The following NR2E3 variants were observed in gnomAD, a reference collection of about 807,000 sequenced individuals.
NR2E3 encodes nuclear receptor subfamily 2 group E member 3.
NR2E3 carries 38 observed loss-of-function variants against 37.6 expected under a neutral mutation model. That is an observed-to-expected ratio of 1.01 (90% CI 0.78 to 1.33). NR2E3 has a LOEUF of 1.33. Ranked by LOEUF, NR2E3 falls within the 40% of genes most tolerant of loss-of-function variation. NR2E3 has a pLI of 0.00. For missense variants in NR2E3, 562 were observed against 558.7 expected (o/e 1.01, Z -0.06); for synonymous variants, 235 against 225.1 (o/e 1.04, Z -0.39).
Position 71,812,079 on chromosome 15 carries a change from G to T in NR2E3, c.474G>T (p.Arg158=), listed in dbSNP as rs2140289562. 1 of 1,553,576 alleles carries T rather than the reference G, an allele frequency of 6.4e-7. No individual in the cohort carries two copies. Among genetic ancestry groups the T allele is most frequent in the African/African-American group, 1.4e-5 (1 of 73,270 alleles). ...APPAPAGRSP[R]GPTPMSAARA... The stretch of plus-strand genomic sequence containing the variant: ...CGGCCCCGGCAGGGCGCAGCCCACG[G>T]GGCCCCACACCCATGTCTGCAGCCA... Residue 158 remains arginine, a synonymous_variant, in exon 4 of 8, where the codon CGG becomes CGT. Coordinates refer to ENST00000617575, the MANE Select transcript of NR2E3 (RefSeq NM_014249.4).
chr15:71,813,714 C>A lies in NR2E3; in HGVS notation c.994+79C>A. The A allele has an allele frequency of 6.3e-7, 1 of 1,593,924 alleles. No homozygotes were observed. The highest frequency in any genetic ancestry group is 8.5e-7 in the Non-Finnish European group (1 of 1,171,774). ...CCTCTCACTCTCCCTCCACTACCCC[C>A]ATGTGTGCAGATGTGTGTAGGCCTC... On this transcript the variant is annotated intron_variant, in intron 6 of 7. Transcript: ENST00000617575. The surrounding 1 kb of genome is among the most constrained non-coding windows in gnomAD (Gnocchi z 4.7).
In NR2E3 at chr15:71,817,861, A is replaced by C; in HGVS notation, c.*177A>C. On this transcript the variant is annotated 3_prime_UTR_variant, in exon 8 of 8. Transcript: ENST00000617575. ...TTTATTCATAATAGCCCCAAACTGT[A>C]TATTGATGGTAGGATGAATTAACAA... is the stretch of plus-strand genomic sequence containing the variant. The C allele has an allele frequency of 2.1e-6, 1 of 465,400 alleles. No homozygotes were observed. Among genetic ancestry groups the C allele is most frequent in the Non-Finnish European group, 3.8e-6 (1 of 262,118 alleles). The allele number at this position is 465,400 out of a possible 1,614,324, so 28.8% of individuals were successfully genotyped here. A position where few individuals can be genotyped will look rare whatever the true frequency, so the allele number is the denominator to read the frequency against.
chr15:71,817,609 C>T lies in NR2E3; in HGVS notation c.1158C>T (p.Ile386=). The change falls in exon 8 of 8, where the codon ATC becomes ATT. Residue 386 remains isoleucine, a synonymous_variant. Transcript: ENST00000617575. ...PSLRFITAER[I]ELLFFRKTIG... ...TGAGGTTTATCACTGCGGAACGCAT[C>T]GAGCTCCTCTTTTTCCGCAAGACCA... 6.2e-7 allele frequency: 1 copy of T among 1,610,122 alleles called. No homozygotes were observed. The highest frequency in any genetic ancestry group is 8.5e-7 in the Non-Finnish European group (1 of 1,176,692).
intron 7 of NR2E3, chr15:71,814,913 G>A (rs2054215889): frequency 7.1e-6 from 7 of 984,980 alleles, no homozygotes; most frequent in Non-Finnish European, 7.2e-6. Flanking sequence ...AAGGAATGAG[G>A]GAAGAGGAGC....
chr15:71,810,903 G>T, intron 1 of NR2E3, 42 bp downstream of exon 1: 1 of 1,511,702 alleles, frequency 6.6e-7, no homozygotes, highest in South Asian at 1.3e-5. Flanking sequence ...TGGGCCCTTG[G>T]GGAGCAGGGT....
At chr15:71,815,293 C>T (rs1475537067) in intron 7 of NR2E3, among the ~76,000 whole-genome samples, 2 of 152,220 alleles carry the variant, frequency 1.3e-5, no homozygotes, top group African/African-American at 4.8e-5. Context: ...GGCATCCTTG[C>T]ATCACCTCTA....
intron 7 of NR2E3, among the ~76,000 whole-genome samples, chr15:71,816,462 G>A (rs1260607427): frequency 7.9e-5 from 12 of 151,850 alleles, no homozygotes; most frequent in Admixed American, 3.3e-4. Flanking sequence ...GGGTTTCACC[G>A]CATTAGCCAG....
intron 7 of NR2E3, among the ~76,000 whole-genome samples, chr15:71,816,298 T>C (rs893127439): frequency 1.3e-5 from 2 of 148,886 alleles, no homozygotes; most frequent in Non-Finnish European, 3.0e-5. Flanking sequence ...TCTCTCTCTG[T>C]CACCCAGGCT....
Position 71,811,375 on chromosome 15 carries a change from G to C in NR2E3, c.119-108G>C, listed in dbSNP as rs1033731512. 5 of 1,043,972 alleles carry C rather than the reference G, an allele frequency of 4.8e-6. No individual in the cohort carries two copies. In the African/African-American group the frequency reaches 8.0e-5, roughly 17 times the overall value. 64.7% of individuals were successfully genotyped at this position (1,043,972 alleles called of 1,614,324 possible). A position where few individuals can be genotyped will look rare whatever the true frequency, so the allele number is the denominator to read the frequency against. On this transcript the variant is annotated intron_variant, in intron 1 of 7. Coordinates refer to ENST00000617575, the MANE Select transcript of NR2E3 (RefSeq NM_014249.4). This position sits in a 1 kb window ranked among gnomAD's most constrained non-coding sequence, Gnocchi z 5.6. ...CACGCGTGGGTTCGTTCAAATGCGGGTGAGCGGGGCCTGAGGACTGGGAAA... is the reference window on the plus strand; with the variant it reads ...CACGCGTGGGTTCGTTCAAATGCGGCTGAGCGGGGCCTGAGGACTGGGAAA...
Position 71,813,904 on chromosome 15 carries a change from A to C in NR2E3, c.995-108A>C. The C allele has an allele frequency of 3.2e-6, 5 of 1,538,620 alleles. No individual in the cohort carries two copies. Among genetic ancestry groups the C allele is most frequent in the Non-Finnish European group, 4.4e-6 (5 of 1,145,448 alleles). On this transcript the variant is annotated intron_variant, in intron 6 of 7. Coordinates refer to ENST00000617575, the MANE Select transcript of NR2E3 (RefSeq NM_014249.4). This position sits in a 1 kb window ranked among gnomAD's most constrained non-coding sequence, Gnocchi z 4.7. Reference sequence around the variant, plus strand: ...CTGGGCCTGGCAGAGCCCACCCCACAGGGCCCCAGGTCCATGTCTGCAGCC... The same window carrying C: ...CTGGGCCTGGCAGAGCCCACCCCACCGGGCCCCAGGTCCATGTCTGCAGCC...
In NR2E3 at chr15:71,813,916, C is replaced by G. The variant is rs1006471490; in HGVS notation, c.995-96C>G. ...GAGCCCACCCCACAGGGCCCCAGGT[C>G]CATGTCTGCAGCCAGAACCCTGGGC... On this transcript the variant is annotated intron_variant, in intron 6 of 7. Transcript: ENST00000617575. This position sits in a 1 kb window ranked among gnomAD's most constrained non-coding sequence, Gnocchi z 4.7. 7.8e-6 allele frequency: 12 copies of G among 1,544,704 alleles called. No individual in the cohort carries two copies. Among genetic ancestry groups the G allele is most frequent in the Non-Finnish European group, 8.7e-6 (10 of 1,147,508 alleles).
intron 4 of NR2E3, 26 bp from the exon 5 acceptor site, chr15:71,812,310 A>G: frequency 1.2e-6 from 2 of 1,613,834 alleles, no homozygotes; most frequent in Non-Finnish European, 1.7e-6. Flanking sequence ...AGCAGGCGCT[A>G]AGATCACAAC....
rs1296208421 is a variant in NR2E3, at chr15:71,812,113, G to C, written c.508G>C (p.Gly170Arg). 1.3e-6 allele frequency: 2 copies of C among 1,557,730 alleles called. No individual in the cohort carries two copies. Among genetic ancestry groups the C allele is most frequent in the African/African-American group, 2.7e-5 (2 of 73,370 alleles). The change falls in exon 4 of 8, where the codon GGC (glycine) becomes CGC (arginine). Residue 170 changes from glycine to arginine, a missense_variant. Gly to Arg is a moderately radical substitution (Grantham distance 125). Coordinates refer to ENST00000617575, the MANE Select transcript of NR2E3 (RefSeq NM_014249.4). ...ACCCATGTCTGCAGCCAGAGCCCTG[G>C]GCCACCACTTCATGGCCAGCCTTAT... Reference protein sequence around the residue: ...PTPMSAARALGHHFMASLITA... With the variant: ...PTPMSAARALRHHFMASLITA...
rs920825168 is a variant in NR2E3 at position 71,811,295 on chromosome 15, T to C, written c.119-188T>C. Among the ~76,000 whole-genome samples, 19 of 125,860 alleles carry C rather than the reference T, an allele frequency of 1.5e-4. No homozygotes were observed. The highest frequency in any genetic ancestry group is 5.4e-4 in the African/African-American group (18 of 33,084). 82.6% of individuals were successfully genotyped at this position (125,860 alleles called of 152,430 possible). On this transcript the variant is annotated intron_variant, in intron 1 of 7. Coordinates refer to ENST00000617575, the MANE Select transcript of NR2E3 (RefSeq NM_014249.4). This position sits in a 1 kb window ranked among gnomAD's most constrained non-coding sequence, Gnocchi z 5.6. ...GAGGAGAGAGGGCAAGGAATGGGGG[T>C]GGGGGCTGGGGTGTGGATGCACAGT... is the stretch of plus-strand genomic sequence containing the variant.
At chr15:71,814,553 C>G in intron 7 of NR2E3, 3 of 971,798 alleles carry the variant, frequency 3.1e-6, no homozygotes, top group Non-Finnish European at 3.7e-6. Flanking sequence ...GAACAGGAGC[C>G]CACTTTGAAG....
intron 7 of NR2E3, 44 bp downstream of exon 7, chr15:71,814,161 T>C: frequency 1.3e-6 from 2 of 1,581,726 alleles, no homozygotes; most frequent in Non-Finnish European, 8.6e-7. Flanking sequence ...CCCTGACCTC[T>C]AACCTTTCTC....
Position 71,813,222 on chromosome 15 carries a change from T to G in NR2E3, c.748-167T>G, listed in dbSNP as rs1595956981. On this transcript the variant is annotated intron_variant, in intron 5 of 7. Coordinates refer to ENST00000617575, the MANE Select transcript of NR2E3 (RefSeq NM_014249.4). The surrounding 1 kb of genome is among the most constrained non-coding windows in gnomAD (Gnocchi z 4.7). The stretch of plus-strand genomic sequence containing the variant: ...TCAGATGATAGGCAGCTGAGCCGGA[T>G]GGTGCCAAATCCCAGAGCTCTGAGC... Among the ~76,000 whole-genome samples, 1 of 152,306 alleles carries G rather than the reference T, an allele frequency of 6.6e-6. No individual in the cohort carries two copies. Among genetic ancestry groups the G allele is most frequent in the South Asian group, 2.1e-4 (1 of 4,820 alleles).
chr15:71,811,724 TGGGA>T lies in NR2E3; in HGVS notation c.246-37_246-34del, dbSNP rs762727683. The T allele has an allele frequency of 6.5e-7, 1 of 1,546,274 alleles. No individual in the cohort carries two copies. The highest frequency in any genetic ancestry group is 1.2e-5 in the South Asian group (1 of 83,928). On this transcript the variant is annotated intron_variant, in intron 2 of 7. Transcript: ENST00000617575. The surrounding 1 kb of genome is among the most constrained non-coding windows in gnomAD (Gnocchi z 5.6). ...ATGTCCAAGCCCATGGCTCAGGGCA[TGGGA>T]GGGACACTGACCCCTGGGGTCTCCT...
chr15:71,810,974 C>CGGCTGTGGGCAAGGGTGGGGTA (rs2054174005), intron 1 of NR2E3, 113 bp downstream of exon 1: 1 of 1,018,894 alleles, frequency 9.8e-7, no homozygotes, highest in Non-Finnish European at 1.3e-6. Flanking sequence ...CCAGCCCCGC[C>CGGCTGTGGGCAAGGGTGGGGTA]GGCTGTGGGC....
Sources: gnomAD v4.1 joint callset for allele counts (sites outside exome capture counted in the v4.1 genomes callset) on GRCh38, gnomAD v4.1.1 for gene constraint, Gnocchi (gnomAD v3.1) non-coding constraint, MANE v1.5 for transcripts, NCBI Gene and HGNC (gene_info 2026-07-23, HGNC 2026-07-21) for gene names.